Variants in SGCZ observed in about 807,000 individuals in gnomAD.
SGCZ encodes sarcoglycan zeta.
SGCZ carries 40 observed loss-of-function variants against 41.3 expected under a neutral mutation model. The ratio of observed to expected loss-of-function variants is 0.97; its 90% CI spans 0.75 to 1.26. The LOEUF (loss-of-function observed/expected upper bound fraction) is 1.26, where lower values mean the gene tolerates loss of function less well. SGCZ is among the 50% of genes most tolerant of loss of function. The pLI is 0.00. For missense variants in SGCZ, 552 were observed against 369.8 expected (o/e 1.49, Z -4.04); for synonymous variants, 206 against 137.5 (o/e 1.50, Z -3.49).
At chr8:14,431,818 A>C (rs1232740370) in intron 2 of SGCZ, among the ~76,000 whole-genome samples, 1 of 152,130 alleles carries the variant, frequency 6.6e-6, no homozygotes, top group African/African-American at 2.4e-5. Context: ...TCTACAACCA[A>C]CTCAACCAAA....
At chr8:14,346,927 C>A (rs962955026) in intron 2 of SGCZ, among the ~76,000 whole-genome samples, 1 of 151,996 alleles carries the variant, frequency 6.6e-6, no homozygotes, top group Middle Eastern at 3.4e-3. Context: ...TTATTTCGGA[C>A]AGTGGCTTTG....
Position 14,085,731 on chromosome 8 carries a change from A to C in SGCZ, c.*4712T>G, listed in dbSNP as rs1801505613. ...ACCAAGGAGTTTGTTATGCATGTAT[A>C]AAAGAAAAGTGGACCACACTAATGA... On this transcript the variant is annotated 3_prime_UTR_variant, in exon 8 of 8. Transcript: ENST00000382080. Among the ~76,000 whole-genome samples the C allele has an allele frequency of 6.6e-6, 1 of 151,760 alleles. No individual in the cohort carries two copies. The highest frequency in any genetic ancestry group is 1.5e-5 in the Non-Finnish European group (1 of 67,794).
intron 4 of SGCZ, among the ~76,000 whole-genome samples, chr8:14,216,226 G>T (rs1805988993): frequency 6.6e-6 from 1 of 152,136 alleles, no homozygotes; most frequent in South Asian, 2.1e-4. Context: ...GCTCTTAGGA[G>T]AATTCAGCTG....
At chr8:14,644,789 G>A (rs909540837) in intron 1 of SGCZ, among the ~76,000 whole-genome samples, 2 of 151,670 alleles carry the variant, frequency 1.3e-5, no homozygotes, top group Admixed American at 6.6e-5. Flanking sequence ...AGTTCTACCT[G>A]TTGAATGAGA....
At chr8:14,474,612 T>A (rs1801307093) in intron 2 of SGCZ, among the ~76,000 whole-genome samples, 1 of 152,154 alleles carries the variant, frequency 6.6e-6, no homozygotes, top group African/African-American at 2.4e-5. Context: ...GTATAAAAAA[T>A]TAAAACATAC....
chr8:14,558,277 A>C (rs1585078626), intron 1 of SGCZ, among the ~76,000 whole-genome samples: 1 of 152,178 alleles, frequency 6.6e-6, no homozygotes, highest in East Asian at 1.9e-4. Flanking sequence ...CTATTCCAAA[A>C]GATAGAGTAA....
chr8:14,688,095 C>A (rs1808676634), intron 1 of SGCZ, among the ~76,000 whole-genome samples: 1 of 152,056 alleles, frequency 6.6e-6, no homozygotes, highest in Non-Finnish European at 1.5e-5. Context: ...TGGATATTAG[C>A]CCTTTGTCAG....
At chr8:15,023,814 G>C (rs1434493242) in intron 1 of SGCZ, among the ~76,000 whole-genome samples, 1 of 152,084 alleles carries the variant, frequency 6.6e-6, no homozygotes, top group Non-Finnish European at 1.5e-5. Flanking sequence ...GAGCCTGCCA[G>C]GATATAAAAC....
At chr8:14,959,669 A>G (rs541826294) in intron 1 of SGCZ, among the ~76,000 whole-genome samples, 1 of 152,276 alleles carries the variant, frequency 6.6e-6, no homozygotes, top group South Asian at 2.1e-4. Context: ...TATTCCAGAG[A>G]AAAAGGTAGT....
chr8:14,886,168 T>C (rs1190452372), intron 1 of SGCZ, among the ~76,000 whole-genome samples: 1 of 151,370 alleles, frequency 6.6e-6, no homozygotes, highest in Non-Finnish European at 1.5e-5. Flanking sequence ...TTGAACATTG[T>C]TGATGATTGT....
At chr8:14,367,713 G>C (rs187379858) in intron 2 of SGCZ, among the ~76,000 whole-genome samples, 15 of 152,042 alleles carry the variant, frequency 9.9e-5, no homozygotes, top group African/African-American at 3.1e-4. Context: ...CCTATCACGG[G>C]AATATCAAGG....
chr8:14,433,983 C>G (rs1800017522), intron 2 of SGCZ, among the ~76,000 whole-genome samples: 1 of 152,276 alleles, frequency 6.6e-6, no homozygotes, highest in Admixed American at 6.5e-5. Flanking sequence ...TAAGTCCCAG[C>G]TATTTATTTT....
chr8:14,173,295 T>A (rs771932171), intron 4 of SGCZ, among the ~76,000 whole-genome samples: 1 of 151,968 alleles, frequency 6.6e-6, no homozygotes, highest in African/African-American at 2.4e-5. Context: ...ATTTGCTCCA[T>A]ATGCTAGAGT....
intron 2 of SGCZ, among the ~76,000 whole-genome samples, chr8:14,378,075 T>C (rs1037670177): frequency 6.7e-5 from 10 of 150,126 alleles, no homozygotes; most frequent in Admixed American, 6.6e-4. Flanking sequence ...AAATAGTATT[T>C]CTAGTTCTAG....
At chr8:15,186,987 T>G (rs1177817663) in intron 1 of SGCZ, among the ~76,000 whole-genome samples, 1 of 152,148 alleles carries the variant, frequency 6.6e-6, no homozygotes, top group East Asian at 1.9e-4. Context: ...ACCTTTCTAT[T>G]TGTTATAGTA....
chr8:14,770,388 T>C (rs1800193960), intron 1 of SGCZ, among the ~76,000 whole-genome samples: 1 of 151,608 alleles, frequency 6.6e-6, no homozygotes, highest in Non-Finnish European at 1.5e-5. Context: ...AGTTTTAAAA[T>C]GTAATTATTT....
chr8:14,954,365 A>G (rs1224832370), intron 1 of SGCZ, among the ~76,000 whole-genome samples: 2 of 152,164 alleles, frequency 1.3e-5, no homozygotes, highest in Non-Finnish European at 2.9e-5. Context: ...ATCTGCCTTC[A>G]CATCCACCTT....
intron 4 of SGCZ, among the ~76,000 whole-genome samples, chr8:14,184,998 T>C (rs772633898): frequency 2.0e-5 from 3 of 152,216 alleles, no homozygotes; most frequent in Non-Finnish European, 2.9e-5. Flanking sequence ...TAATTTTGTT[T>C]TTTAATTAGA....
At chr8:14,772,194 T>A (rs1800263318) in intron 1 of SGCZ, among the ~76,000 whole-genome samples, 1 of 152,174 alleles carries the variant, frequency 6.6e-6, no homozygotes, top group African/African-American at 2.4e-5. Context: ...TCGGAACACA[T>A]TTAAGGTAGG....
Sources: allele counts gnomAD v4.1 joint callset (sites outside exome capture counted in the v4.1 genomes callset), GRCh38; gene constraint gnomAD v4.1.1; transcripts MANE v1.5; gene names NCBI Gene and HGNC (gene_info 2026-07-23, HGNC 2026-07-21).